The following ATP8B4 variants were observed in gnomAD, a reference collection of about 807,000 sequenced individuals.
ATP8B4 encodes ATPase phospholipid transporting 8B4 (putative).
ATP8B4 carries 133 observed loss-of-function variants against 145.6 expected under a neutral mutation model. The ratio of observed to expected loss-of-function variants is 0.91; its 90% CI spans 0.79 to 1.05. ATP8B4 has a LOEUF of 1.05. ATP8B4 is among the 50% of genes least tolerant of loss of function. ATP8B4 has a pLI of 0.00. For synonymous variants in ATP8B4, 507 were observed against 492.9 expected, an observed-to-expected ratio of 1.03 and a Z score of -0.38; for missense variants, 1,458 against 1,425.2, an observed-to-expected ratio of 1.02 and a Z score of -0.37.
intron 6 of ATP8B4, among the ~76,000 whole-genome samples, chr15:50,030,404 G>A (rs570156501): frequency 6.6e-6 from 1 of 152,222 alleles, no homozygotes; most frequent in Non-Finnish European, 1.5e-5. Context: ...TGAGTTCAGA[G>A]CTGAGGGAGA....
intron 3 of ATP8B4, among the ~76,000 whole-genome samples, chr15:50,064,879 T>G (rs2053272305): frequency 6.6e-6 from 1 of 152,112 alleles, no homozygotes; most frequent in Non-Finnish European, 1.5e-5. Context: ...TGCTACACAC[T>G]TTTAAACAAC....
chr15:49,979,359 T>C (rs2045960916), intron 12 of ATP8B4, among the ~76,000 whole-genome samples: 1 of 152,180 alleles, frequency 6.6e-6, no homozygotes, highest in Non-Finnish European at 1.5e-5. Flanking sequence ...GATTATATTG[T>C]AGTGCATGTC....
intron 23 of ATP8B4, among the ~76,000 whole-genome samples, chr15:49,884,931 A>G (rs546542306): frequency 6.6e-6 from 1 of 151,698 alleles, no homozygotes; most frequent in South Asian, 2.1e-4. Context: ...TCCCAAAACC[A>G]CCCCCACTGG....
chr15:50,018,330 T>A (rs562681641), intron 6 of ATP8B4, among the ~76,000 whole-genome samples: 1 of 152,258 alleles, frequency 6.6e-6, no homozygotes, highest in South Asian at 2.1e-4. Flanking sequence ...TGCGGTATCA[T>A]CACCCTGCAT....
intron 1 of ATP8B4, among the ~76,000 whole-genome samples, chr15:50,137,785 T>C (rs919146400): frequency 1.3e-5 from 2 of 152,190 alleles, no homozygotes; most frequent in Admixed American, 6.5e-5. Context: ...GGTCGTCATC[T>C]TGAAGATGAG....
In ATP8B4 at chr15:49,882,061, T is replaced by G. The variant is rs985219508; in HGVS notation, c.2698-2602A>C. ...GCTATGGCAGAGTCTGTGACCTCAC[T>G]GCTGGGAGGCTGCCTTTGGGTCCCA... On this transcript the variant is annotated intron_variant, in intron 23 of 27. Coordinates refer to ENST00000284509, the MANE Select transcript of ATP8B4 (RefSeq NM_024837.4). Among the ~76,000 whole-genome samples, 10 of 152,370 alleles carry G rather than the reference T, an allele frequency of 6.6e-5. No homozygotes were observed. In the East Asian group the frequency reaches 1.2e-3, roughly 18 times the overall value.
At chr15:49,991,716 A>G (rs533898289) in intron 9 of ATP8B4, among the ~76,000 whole-genome samples, 1 of 152,056 alleles carries the variant, frequency 6.6e-6, no homozygotes, top group East Asian at 1.9e-4. Context: ...CCAAAACCCA[A>G]CTCTCTTGTG....
At chr15:49,886,430 G>A (rs375961595) in intron 23 of ATP8B4, among the ~76,000 whole-genome samples, 244 of 152,236 alleles carry the variant, frequency 1.6e-3, no homozygotes, top group African/African-American at 5.7e-3. Flanking sequence ...GGAGCATGCA[G>A]GGATCCAAGC....
At chr15:50,021,985 G>A (rs974313211) in intron 6 of ATP8B4, among the ~76,000 whole-genome samples, 7 of 152,110 alleles carry the variant, frequency 4.6e-5, no homozygotes, top group African/African-American at 1.4e-4. Context: ...GTGTAACAAA[G>A]CTAATGACAA....
chr15:49,939,200 G>GA (rs2041970049), intron 14 of ATP8B4, among the ~76,000 whole-genome samples: 1 of 151,616 alleles, frequency 6.6e-6, no homozygotes, highest in African/African-American at 2.4e-5. Flanking sequence ...AAAAGAACAA[G>GA]AAAAAATTAA....
rs71124312 is a variant in ATP8B4, at chr15:49,861,452, GTCTA to G, written c.3297+789_3297+792del. ...TGTCTGTCTGTCTGTCTGTCTGTCTGTCTATCTATCTATCTATCTATCTACCTAC... is the reference window on the plus strand; with the variant it reads ...TGTCTGTCTGTCTGTCTGTCTGTCTGTCTATCTATCTATCTATCTACCTAC... On this transcript the variant is annotated intron_variant, in intron 27 of 27. Coordinates refer to ENST00000284509, the MANE Select transcript of ATP8B4 (RefSeq NM_024837.4). 1.9e-3 allele frequency among the ~76,000 whole-genome samples: 270 copies of G among 143,454 alleles called. 1 individual carries two copies. The highest frequency in any genetic ancestry group is 2.4e-3 in the Non-Finnish European group (157 of 65,974). The allele number at this position is 143,454 out of a possible 152,430, so 94.1% of individuals were successfully genotyped here.
chr15:50,072,064 TTAA>T (rs1250301629), intron 3 of ATP8B4, among the ~76,000 whole-genome samples: 1 of 151,428 alleles, frequency 6.6e-6, no homozygotes, highest in African/African-American at 2.4e-5. Context: ...TAATAATTGA[TTAA>T]TAATTAATCA....
intron 20 of ATP8B4, among the ~76,000 whole-genome samples, chr15:49,906,339 AG>A (rs2038621825): frequency 6.6e-6 from 1 of 152,252 alleles, no homozygotes; most frequent in African/African-American, 2.4e-5. Flanking sequence ...TTTGTCCTCT[AG>A]GGAGTTTCTA....
At chr15:50,005,966 T>C (rs143766901) in intron 7 of ATP8B4, among the ~76,000 whole-genome samples, 2,723 of 152,272 alleles carry the variant, frequency 0.018, 32 homozygotes, top group Non-Finnish European at 0.029. Flanking sequence ...CTTCATCTTC[T>C]CTATCATCTA....
intron 23 of ATP8B4, among the ~76,000 whole-genome samples, chr15:49,894,263 G>A (rs2037143229): frequency 6.6e-6 from 1 of 152,188 alleles, no homozygotes; most frequent in Non-Finnish European, 1.5e-5. Context: ...CTGACACAGA[G>A]CAAAGGCTTA....
At chr15:50,148,267 C>T (rs995660311) in intron 1 of ATP8B4, among the ~76,000 whole-genome samples, 18 of 151,946 alleles carry the variant, frequency 1.2e-4, no homozygotes, top group African/African-American at 4.4e-4. Flanking sequence ...GGGAACTGCT[C>T]TTGATTAAAG....
At chr15:50,043,503 CTCCTCT>C (rs1010012842) in intron 5 of ATP8B4, among the ~76,000 whole-genome samples, 1 of 152,128 alleles carries the variant, frequency 6.6e-6, no homozygotes, top group African/African-American at 2.4e-5. Context: ...AAACCAATCC[CTCCTCT>C]TCCTCTTCCT....
At chr15:50,147,076 G>A (rs2044286604) in intron 1 of ATP8B4, among the ~76,000 whole-genome samples, 1 of 152,192 alleles carries the variant, frequency 6.6e-6, no homozygotes, top group Non-Finnish European at 1.5e-5. Context: ...ACTCTTTGGT[G>A]TTGGGTTACG....
At chr15:50,047,926 C>G (rs1055972722) in intron 3 of ATP8B4, among the ~76,000 whole-genome samples, 1 of 152,178 alleles carries the variant, frequency 6.6e-6, no homozygotes, top group African/African-American at 2.4e-5. Context: ...CTGACTGCCT[C>G]GCAAGGCAGC....
Sources: gnomAD v4.1 joint callset for allele counts (sites outside exome capture counted in the v4.1 genomes callset) on GRCh38, gnomAD v4.1.1 for gene constraint, MANE v1.5 for transcripts, NCBI Gene and HGNC (gene_info 2026-07-23, HGNC 2026-07-21) for gene names.